The following MAMDC2 variants were observed in gnomAD, a reference collection of about 807,000 sequenced individuals.
MAMDC2 encodes MAM domain containing 2.
In MAMDC2, 57 loss-of-function variants were observed where a neutral mutation model predicts 89.8. The ratio of observed to expected loss-of-function variants is 0.63; its 90% confidence interval spans 0.51 to 0.79. The LOEUF is 0.79. Ranked by LOEUF, MAMDC2 falls within the 30% of genes least tolerant of loss-of-function variation. The pLI is 0.00. For synonymous variants in MAMDC2, 313 were observed against 293.4 expected (o/e 1.07, Z -0.68); for missense variants, 800 against 820.6 (o/e 0.97, Z 0.31).
At chr9:70,205,403 T>A (rs1289405899) in intron 11 of MAMDC2, among the ~76,000 whole-genome samples, 1 of 152,226 alleles carries the variant, frequency 6.6e-6, no homozygotes, top group South Asian at 2.1e-4. Context: ...TCTACAATTG[T>A]TCTTCACAAA....
At chr9:70,199,882 A>C (rs989050051) in intron 11 of MAMDC2, among the ~76,000 whole-genome samples, 1 of 151,346 alleles carries the variant, frequency 6.6e-6, no homozygotes, top group Non-Finnish European at 1.5e-5. Context: ...TCCTTCGCCC[A>C]CTTTTTGATG....
chr9:70,078,530 G>A (rs1327682887), intron 2 of MAMDC2, among the ~76,000 whole-genome samples: 1 of 152,152 alleles, frequency 6.6e-6, no homozygotes, highest in East Asian at 1.9e-4. Flanking sequence ...CTAACACAAA[G>A]TTAGGAATTC....
At chr9:70,106,181 T>C (rs932570061) in intron 2 of MAMDC2, 6 of 152,108 alleles carry the variant, frequency 3.9e-5, no homozygotes, top group Non-Finnish European at 7.3e-5. Flanking sequence ...TTTAAGAGCA[T>C]TGCTTTGAGT....
At chr9:70,102,744 T>C (rs3015197) in intron 2 of MAMDC2, among the ~76,000 whole-genome samples, 9,754 of 152,264 alleles carry the variant, frequency 0.064, 994 homozygotes, top group African/African-American at 0.21. Context: ...TTTCTGACCC[T>C]TTATAAAGAT....
At chr9:70,141,884 C>T (rs1255628885) in intron 8 of MAMDC2, among the ~76,000 whole-genome samples, 1 of 152,140 alleles carries the variant, frequency 6.6e-6, no homozygotes, top group Admixed American at 6.5e-5. Flanking sequence ...TTGGTGTCAA[C>T]TCCCAGTCTT....
At chr9:70,199,187 C>T (rs1563996248) in intron 11 of MAMDC2, among the ~76,000 whole-genome samples, 1 of 65,342 alleles carries the variant, frequency 1.5e-5, no homozygotes, top group Non-Finnish European at 3.7e-5. Flanking sequence ...AGGTATATCT[C>T]CCAATGCTAT....
intron 12 of MAMDC2, among the ~76,000 whole-genome samples, chr9:70,220,286 T>A (rs1182909709): frequency 1.3e-5 from 2 of 152,172 alleles, no homozygotes; most frequent in Non-Finnish European, 2.9e-5. Flanking sequence ...TGAAATGTTT[T>A]TTGAGTACAG....
At chr9:70,140,406 C>T in intron 8 of MAMDC2, 118 bp downstream of exon 8, 2 of 1,063,348 alleles carry the variant, frequency 1.9e-6, no homozygotes, top group Non-Finnish European at 2.7e-6. Context: ...TGTGAAGAAG[C>T]AAAGACAATC....
chr9:70,109,938 T>C (rs1828462499), intron 4 of MAMDC2, 134 bp downstream of exon 4: 2 of 718,602 alleles, frequency 2.8e-6, no homozygotes, highest in Admixed American at 2.4e-5. Flanking sequence ...CTGGTTTAAA[T>C]TCTTTGCTAG....
At chr9:70,054,753 C>T (rs2118000781) in intron 2 of MAMDC2, among the ~76,000 whole-genome samples, 1 of 152,186 alleles carries the variant, frequency 6.6e-6, no homozygotes, top group East Asian at 1.9e-4. Flanking sequence ...CCTGGGAATT[C>T]CTTTGTACCC....
intron 10 of MAMDC2, chr9:70,169,865 G>A (rs2032280364): frequency 6.6e-6 from 1 of 152,154 alleles, no homozygotes; most frequent in Non-Finnish European, 1.5e-5. Context: ...TAATTATTGA[G>A]AACTTCACAT....
intron 2 of MAMDC2, among the ~76,000 whole-genome samples, chr9:70,100,648 T>C (rs1049498320): frequency 1.1e-4 from 17 of 152,298 alleles, no homozygotes; most frequent in African/African-American, 4.1e-4. Context: ...ATGATTAGCC[T>C]TGGGTAAGAA....
At chr9:70,149,661 T>C (rs1479912712) in intron 9 of MAMDC2, among the ~76,000 whole-genome samples, 1 of 152,170 alleles carries the variant, frequency 6.6e-6, no homozygotes, top group East Asian at 1.9e-4. Flanking sequence ...TCCTGAAGGA[T>C]CAGTTGGGCG....
chr9:70,196,190 T>C (rs2032972692), intron 11 of MAMDC2, among the ~76,000 whole-genome samples: 2 of 152,024 alleles, frequency 1.3e-5, no homozygotes, highest in Non-Finnish European at 2.9e-5. Flanking sequence ...GATTCAATTC[T>C]CTCCACTTGG....
At chr9:70,191,561 T>C (rs571178329) in intron 11 of MAMDC2, among the ~76,000 whole-genome samples, 1 of 151,998 alleles carries the variant, frequency 6.6e-6, no homozygotes, top group East Asian at 2.0e-4. Flanking sequence ...TGAAAAATTA[T>C]AGAATCCTGG....
At chr9:70,129,026 T>C (rs1349336731) in intron 6 of MAMDC2, among the ~76,000 whole-genome samples, 1 of 152,190 alleles carries the variant, frequency 6.6e-6, no homozygotes, top group Non-Finnish European at 1.5e-5. Flanking sequence ...CGGATATTTG[T>C]ATACATTATC....
intron 11 of MAMDC2, among the ~76,000 whole-genome samples, chr9:70,177,243 G>C (rs1027772151): frequency 6.6e-6 from 1 of 151,992 alleles, no homozygotes; most frequent in Non-Finnish European, 1.5e-5. Flanking sequence ...TAAAATAAAG[G>C]TTACTTGGAC....
intron 2 of MAMDC2, among the ~76,000 whole-genome samples, chr9:70,047,567 GTAT>G (rs2117962392): frequency 6.6e-6 from 1 of 152,320 alleles, no homozygotes; most frequent in Admixed American, 6.5e-5. Flanking sequence ...ATTCCATGCT[GTAT>G]ATGTGCTACA....
At chr9:70,203,271 C>A (rs966560271) in intron 11 of MAMDC2, among the ~76,000 whole-genome samples, 21 of 152,062 alleles carry the variant, frequency 1.4e-4, no homozygotes, top group Admixed American at 5.2e-4. Flanking sequence ...AATCGGTCAG[C>A]ATTTGCTTGT....
Sources: gnomAD v4.1 joint callset for allele counts (sites outside exome capture counted in the v4.1 genomes callset) on GRCh38, gnomAD v4.1.1 for gene constraint, MANE v1.5 for transcripts, NCBI Gene and HGNC (gene_info 2026-07-23, HGNC 2026-07-21) for gene names.